Variants in RHOXF1 observed in about 807,000 individuals in gnomAD.
RHOXF1 encodes the protein PEPP subfamily gene 1.
RHOXF1 carries 1 observed loss-of-function variant against 9.7 expected under a neutral mutation model. That is an observed-to-expected ratio of 0.10 (90% CI 0.04 to 0.49). The LOEUF (loss-of-function observed/expected upper bound fraction) is 0.49, where lower values mean the gene tolerates loss of function less well. Ranked by LOEUF, RHOXF1 falls within the 20% of genes least tolerant of loss-of-function variation. The pLI is 0.95. For missense variants in RHOXF1, 179 were observed against 168.0 expected, an observed-to-expected ratio of 1.07 and a Z score of -0.36; for synonymous variants, 72 against 70.2, an observed-to-expected ratio of 1.03 and a Z score of -0.13.
intron 1 of RHOXF1, among the ~76,000 whole-genome samples, chrX:120,114,107 CA>C (rs1215650183): frequency 9.2e-6 from 1 of 108,472 alleles, no homozygotes; most frequent in Non-Finnish European, 1.9e-5. Context: ...CAAGACAAAA[CA>C]AAAAAACCAG....
In RHOXF1 at chrX:120,112,117, T is replaced by C. The variant is rs1339137236; in HGVS notation, c.444+752A>G. Among the ~76,000 whole-genome samples, 20 of 111,232 alleles carry C rather than the reference T, an allele frequency of 1.8e-4. No homozygotes were observed. In the Admixed American group the frequency reaches 1.9e-3, roughly 11 times the overall value. ...TCCCATCAGTCTCAGCTTAACTAAG[T>C]ATACATTATTTAGTCATGTAATGTG... is the stretch of plus-strand genomic sequence containing the variant. On this transcript the variant is annotated intron_variant, in intron 2 of 2. Transcript: ENST00000217999.
chrX:120,110,697 T>C (rs937958946), intron 2 of RHOXF1, among the ~76,000 whole-genome samples: 2 of 112,489 alleles, frequency 1.8e-5, no homozygotes, highest in Non-Finnish European at 3.8e-5. Flanking sequence ...AAAAAGCCTG[T>C]CAGTTAGATG....
At position 120,115,636 on chromosome X, in the gene RHOXF1, T is replaced by G. The variant is rs781841223; in HGVS notation, c.227A>C (p.Glu76Ala). Reference sequence around the variant, plus strand: ...CGGGGGCTGCGGCTGCTGCCGAGGCTCCTGGTTTCCACCGCCGCCCTCGGG... The same window carrying G: ...CGGGGGCTGCGGCTGCTGCCGAGGCGCCTGGTTTCCACCGCCGCCCTCGGG... ...MIPEGGGGNQ[E>A]PRQQPQPPPE... is the part of the protein sequence containing the mutation. The change falls in exon 1 of 3, where the codon GAG (glutamate) becomes GCG (alanine). Residue 76 changes from glutamate (E) to alanine (A), a missense_variant. Transcript: ENST00000217999. The G allele has an allele frequency of 2.5e-6, 3 of 1,181,272 alleles. No homozygotes were observed. The highest frequency in any genetic ancestry group is 1.8e-5 in the African/African-American group (1 of 56,999).
In RHOXF1 at chrX:120,110,075, G is replaced by A. The variant is rs2057258649; in HGVS notation, c.445-773C>T. ...TCCTCACTAGGGAGAGTTTCATCTT[G>A]TTTGTGGGAGAAGTTCGGCATGGTA... On this transcript the variant is annotated intron_variant, in intron 2 of 2. Coordinates refer to ENST00000217999, the MANE Select transcript of RHOXF1 (RefSeq NM_139282.3). Among the ~76,000 whole-genome samples, 6 of 111,679 alleles carry A rather than the reference G, an allele frequency of 5.4e-5. No homozygotes were observed. The South Asian group carries it at 2.3e-3, about 42-fold the overall frequency.
chrX:120,115,595 G>A lies in RHOXF1; in HGVS notation c.268C>T (p.Gln90Ter), dbSNP rs1556000405. 8.6e-7 allele frequency: 1 copy of A among 1,158,855 alleles called. No individual in the cohort carries two copies. Among genetic ancestry groups the A allele is most frequent in the Non-Finnish European group, 1.1e-6 (1 of 870,268 alleles). ...GGCTGCGGACCCTCCATGGCCGCCT[G>A]GGCCGGCTCCTCCGGCGGGGGCTGC... ...QPQPPPEEPA[Q>*]AAMEGPQPEN... The change falls in exon 1 of 3, where the codon CAG (glutamine) becomes TAG (stop). Residue 90 changes from glutamine (Q) to a stop codon, truncating the protein, a stop_gained. Transcript: ENST00000217999. LOFTEE classifies it high-confidence loss of function.
At chrX:120,117,579 T>G (rs1270571204), upstream of RHOXF1, 2 of 111,158 alleles carry the variant, frequency 1.8e-5, no homozygotes, top group Non-Finnish European at 3.8e-5. Flanking sequence ...CCAAGAGAGA[T>G]AGCTCTCGTC....
chrX:120,115,922 G>C, upstream of RHOXF1: 4 of 1,061,425 alleles, frequency 3.8e-6, no homozygotes, highest in Non-Finnish European at 5.0e-6. Flanking sequence ...GTGGGGGTTA[G>C]AGGGTGGAGC....
chrX:120,114,587 AAAAG>A lies in RHOXF1; in HGVS notation c.398+874_398+877del, dbSNP rs201349153. ...ACTCCTACAACCCAATAACCAAAAA[AAAAG>A]AAAGAAAGAAAGAAAAAGCCACTCA... On this transcript the variant is annotated intron_variant, in intron 1 of 2. Transcript: ENST00000217999. Among the ~76,000 whole-genome samples the A allele has an allele frequency of 5.1e-3, 574 of 111,467 alleles. 4 individuals carry two copies. Among genetic ancestry groups the A allele is most frequent in the African/African-American group, 0.018 (535 of 30,437 alleles).
chrX:120,109,241 T>G lies in RHOXF1; in HGVS notation c.506A>C (p.Asn169Thr). Residue 169 changes from asparagine (N) to threonine (T), a missense_variant, in exon 3 of 3, where the codon AAT (asparagine) becomes ACT (threonine). Coordinates refer to ENST00000217999, the MANE Select transcript of RHOXF1 (RefSeq NM_139282.3). Reference sequence around the variant, plus strand: ...GTCGTCTGGGTCAGCACGTAGTTCATTGGCGAGCATTAATTCTCTCTGATG... The same window carrying G: ...GTCGTCTGGGTCAGCACGTAGTTCAGTGGCGAGCATTAATTCTCTCTGATG... Reference protein sequence around the residue: ...RRHQRELMLANELRADPDDCV... With the variant: ...RRHQRELMLATELRADPDDCV... 1 of 1,200,258 alleles carries G rather than the reference T, an allele frequency of 8.3e-7. No homozygotes were observed.
chrX:120,115,375 T>A, intron 1 of RHOXF1, 90 bp downstream of exon 1: 2 of 855,348 alleles, frequency 2.3e-6, no homozygotes, highest in Non-Finnish European at 1.5e-6. Flanking sequence ...CCCAGTGGCT[T>A]TTTCCTCATG....
rs369583538 is a variant in RHOXF1, at chrX:120,115,367, C to T, written c.398+98G>A. 235 of 706,723 alleles carry T rather than the reference C, an allele frequency of 3.3e-4. 1 individual carries two copies. In the African/African-American group the frequency reaches 4.6e-3, roughly 14 times the overall value. 58.2% of individuals were successfully genotyped at this position (706,723 alleles called of 1,213,427 possible). On this transcript the variant is annotated intron_variant, in intron 1 of 2. Coordinates refer to ENST00000217999, the MANE Select transcript of RHOXF1 (RefSeq NM_139282.3). ...CAGCACAAAGGCAGGCAAGGACCCCCAGTGGCTTTTTCCTCATGATTGGGT... is the reference window on the plus strand; with the variant it reads ...CAGCACAAAGGCAGGCAAGGACCCCTAGTGGCTTTTTCCTCATGATTGGGT...
intron 2 of RHOXF1, 30 bp downstream of exon 2, chrX:120,112,839 C>T (rs782710100): frequency 8.6e-5 from 97 of 1,125,124 alleles, no homozygotes; most frequent in Non-Finnish European, 1.2e-4. Flanking sequence ...AATGGCTGTC[C>T]TCTCAAATTG....
At chrX:120,117,275 T>C (rs192630961), upstream of RHOXF1, among the ~76,000 whole-genome samples, 7 of 109,352 alleles carry the variant, frequency 6.4e-5, no homozygotes, top group East Asian at 2.0e-3. Context: ...AATAATAAAA[T>C]AAGAAATAAA....
intron 2 of RHOXF1, among the ~76,000 whole-genome samples, chrX:120,110,635 A>T (rs1365387531): frequency 1.8e-5 from 2 of 111,935 alleles, no homozygotes; most frequent in African/African-American, 6.5e-5. Context: ...GAAGGGTCAC[A>T]AATATGGCTC....
intron 2 of RHOXF1, among the ~76,000 whole-genome samples, chrX:120,111,989 AT>A (rs2057266769): frequency 8.9e-6 from 1 of 111,810 alleles, no homozygotes; most frequent in Admixed American, 9.5e-5. Context: ...ACATCAAAGT[AT>A]TTTAGAAAAT....
upstream of RHOXF1, among the ~76,000 whole-genome samples, chrX:120,117,342 G>A (rs2057300913): frequency 9.0e-6 from 1 of 111,298 alleles, no homozygotes; most frequent in African/African-American, 3.3e-5. Context: ...AGGGCATGGA[G>A]ATGTCTTTTG....
chrX:120,113,267 G>T (rs782722408), intron 1 of RHOXF1, among the ~76,000 whole-genome samples: 11 of 109,131 alleles, frequency 1.0e-4, no homozygotes, highest in Non-Finnish European at 1.7e-4. Flanking sequence ...TCAGCCTCCC[G>T]AGTAGCTGCG....
intron 1 of RHOXF1, among the ~76,000 whole-genome samples, chrX:120,113,244 C>T (rs1353979238): frequency 6.4e-5 from 7 of 109,999 alleles, no homozygotes; most frequent in Admixed American, 9.6e-5. Context: ...GGGGTTCAGA[C>T]GATTCTCGTG....
At chrX:120,116,104 G>T (rs1455189186), upstream of RHOXF1, among the ~76,000 whole-genome samples, 8 of 18,259 alleles carry the variant, frequency 4.4e-4, no homozygotes, top group South Asian at 2.9e-3. Flanking sequence ...GTGGGGTGGG[G>T]TGCAGGTGGG....
Sources: allele counts gnomAD v4.1 joint callset (sites outside exome capture counted in the v4.1 genomes callset), GRCh38; gene constraint gnomAD v4.1.1; transcripts MANE v1.5; gene names NCBI Gene and HGNC (gene_info 2026-07-23, HGNC 2026-07-21).